Variants in NOVA1 observed in about 807,000 individuals in gnomAD.
NOVA1 encodes RNA-binding protein Nova-1.
In NOVA1, 7 loss-of-function variants were observed where a neutral mutation model predicts 38.0. That is an observed-to-expected ratio of 0.18 (90% CI 0.10 to 0.35). NOVA1 has a LOEUF of 0.35. Ranked by LOEUF, NOVA1 falls within the 10% of genes least tolerant of loss-of-function variation. The pLI is 1.00. For synonymous variants in NOVA1, 270 were observed against 232.5 expected (o/e 1.16, Z -1.47); for missense variants, 460 against 616.0 (o/e 0.75, Z 2.68).
chr14:26,499,480 T>G (rs1887088832), intron 2 of NOVA1, among the ~76,000 whole-genome samples: 1 of 152,146 alleles, frequency 6.6e-6, no homozygotes, highest in Admixed American at 6.5e-5. Context: ...AAAGAAACTT[T>G]TATGCTATAG....
At chr14:26,502,596 C>T (rs1887316881) in intron 2 of NOVA1, among the ~76,000 whole-genome samples, 1 of 140,544 alleles carries the variant, frequency 7.1e-6, no homozygotes, top group Non-Finnish European at 1.5e-5. Context: ...TTCAACATAA[C>T]ATGTTTCCAG....
intron 4 of NOVA1, among the ~76,000 whole-genome samples, chr14:26,467,045 C>T (rs191125084): frequency 1.3e-5 from 2 of 152,242 alleles, no homozygotes; most frequent in Admixed American, 6.5e-5. Flanking sequence ...ACAGTGGAGA[C>T]ACAAATTTCA....
chr14:26,556,100 A>G (rs1253085965), intron 2 of NOVA1, among the ~76,000 whole-genome samples: 1 of 152,130 alleles, frequency 6.6e-6, no homozygotes, highest in African/African-American at 2.4e-5. Flanking sequence ...TATAGATGCA[A>G]TGCAATACCC....
intron 4 of NOVA1, among the ~76,000 whole-genome samples, chr14:26,455,686 T>G (rs1883111794): frequency 6.6e-6 from 1 of 151,658 alleles, no homozygotes; most frequent in African/African-American, 2.4e-5. Flanking sequence ...GGATATAACT[T>G]AGGAATAAGA....
intron 2 of NOVA1, 125 bp downstream of exon 2, chr14:26,595,285 T>C: frequency 1.1e-6 from 1 of 907,008 alleles, no homozygotes; most frequent in Non-Finnish European, 1.7e-6. Flanking sequence ...TATATTCCTA[T>C]AAAGCAATAT....
At chr14:26,554,890 G>T (rs17111370) in intron 2 of NOVA1, among the ~76,000 whole-genome samples, 1 of 151,918 alleles carries the variant, frequency 6.6e-6, no homozygotes, top group Non-Finnish European at 1.5e-5. Flanking sequence ...TTTTCCTTGC[G>T]TATAAAAGCT....
Position 26,448,472 on chromosome 14 carries a change from A to G in NOVA1, c.1011T>C (p.Ser337=), listed in dbSNP as rs1439004532. The part of the protein sequence containing the change: ...YNLNTLGLGL[S]QAAATGALAA... ...CCAAAGCCCCTGTTGCTGCTGCTTG[A>G]CTGAGACCTAAACCTAAAGTGTTGA... Residue 337 remains serine, a synonymous_variant, in exon 5 of 5, where the codon AGT becomes AGC. Coordinates refer to ENST00000539517, the MANE Select transcript of NOVA1 (RefSeq NM_002515.3). This position sits in a 1 kb window ranked among gnomAD's most constrained non-coding sequence, Gnocchi z 5.3. 1.9e-6 allele frequency: 3 copies of G among 1,613,632 alleles called. No homozygotes were observed. The Admixed American group carries it at 5.0e-5, about 27-fold the overall frequency.
chr14:26,513,547 G>A (rs1383146729), intron 2 of NOVA1, among the ~76,000 whole-genome samples: 3 of 151,612 alleles, frequency 2.0e-5, no homozygotes, highest in Non-Finnish European at 3.0e-5. Context: ...AATAAATCCA[G>A]AAGAAAATGT....
At chr14:26,523,032 T>C (rs944866091) in intron 2 of NOVA1, among the ~76,000 whole-genome samples, 5 of 152,186 alleles carry the variant, frequency 3.3e-5, no homozygotes, top group African/African-American at 1.2e-4. Context: ...AGACTATTCA[T>C]AGAAGTTTTC....
At chr14:26,476,798 C>A (rs1047494301) in intron 3 of NOVA1, among the ~76,000 whole-genome samples, 2 of 150,658 alleles carry the variant, frequency 1.3e-5, no homozygotes, top group Non-Finnish European at 2.9e-5. Flanking sequence ...CTCACTGCAA[C>A]CTCCACAACC....
rs116942671 is a variant in NOVA1, at chr14:26,473,568, T to C, written c.448-1177A>G. ...TTACTTGAAGTCATATTTTTGCATT[T>C]GACATTTCAAAAGTTGTAATTTGCG... On this transcript the variant is annotated intron_variant, in intron 3 of 4. Transcript: ENST00000539517. Among the ~76,000 whole-genome samples the C allele has an allele frequency of 2.7e-3, 417 of 152,080 alleles. 1 individual carries two copies. Among genetic ancestry groups the C allele is most frequent in the Non-Finnish European group, 4.4e-3 (299 of 67,874 alleles).
rs569014867 is a variant in NOVA1, at chr14:26,540,714, T to G, written c.280+54696A>C. Among the ~76,000 whole-genome samples, 82 of 152,292 alleles carry G rather than the reference T, an allele frequency of 5.4e-4. 1 individual carries two copies. The highest frequency in any genetic ancestry group is 1.0e-4 in the Non-Finnish European group (7 of 68,022). The stretch of plus-strand genomic sequence containing the variant: ...CAAGTTGGAATAATGTGAGATTAAT[T>G]TTAAACTGTGGCACTGATCTGACTT... On this transcript the variant is annotated intron_variant, in intron 2 of 4. Transcript: ENST00000539517.
intron 2 of NOVA1, among the ~76,000 whole-genome samples, chr14:26,515,325 T>C (rs1888384753): frequency 6.6e-6 from 1 of 151,974 alleles, no homozygotes. Context: ...TACCTAAGTT[T>C]AAAATTTTCA....
intron 2 of NOVA1, among the ~76,000 whole-genome samples, chr14:26,567,130 C>T (rs1892181591): frequency 1.3e-5 from 2 of 152,028 alleles, no homozygotes; most frequent in Non-Finnish European, 1.5e-5. Flanking sequence ...AATCCAAAAA[C>T]CAATATATTA....
In NOVA1 at chr14:26,597,496, TTTTC is replaced by T. The variant is rs1894274541; in HGVS notation, c.-64_-61del. On this transcript the variant is annotated 5_prime_UTR_variant, in exon 1 of 5. Coordinates refer to ENST00000539517, the MANE Select transcript of NOVA1 (RefSeq NM_002515.3). ...TTCTCCCTTTTGTTTTGGCTTTTTC[TTTTC>T]TTTTTTCTTTTTTTTTTTTTTTTTT... The T allele has an allele frequency of 5.0e-6, 6 of 1,191,074 alleles. No individual in the cohort carries two copies. Among genetic ancestry groups the T allele is most frequent in the Non-Finnish European group, 5.2e-6 (5 of 962,566 alleles). The allele number at this position is 1,191,074 out of a possible 1,614,324, so 73.8% of individuals were successfully genotyped here.
chr14:26,564,818 T>C (rs1261475185), intron 2 of NOVA1, among the ~76,000 whole-genome samples: 1 of 152,184 alleles, frequency 6.6e-6, no homozygotes, highest in Non-Finnish European at 1.5e-5. Context: ...TATGTCCAAC[T>C]GGTAAGTCTC....
intron 2 of NOVA1, among the ~76,000 whole-genome samples, chr14:26,526,691 T>C (rs1889323379): frequency 6.6e-6 from 1 of 152,202 alleles, no homozygotes; most frequent in Admixed American, 6.5e-5. Flanking sequence ...GTAAATTGCA[T>C]GTTTCAGTTT....
At chr14:26,561,285 A>C (rs2138682845) in intron 2 of NOVA1, among the ~76,000 whole-genome samples, 1 of 152,312 alleles carries the variant, frequency 6.6e-6, no homozygotes, top group Admixed American at 6.5e-5. Flanking sequence ...AAGTTTGAGG[A>C]CTACTAACAT....
chr14:26,459,619 C>A (rs1883487197), intron 4 of NOVA1, among the ~76,000 whole-genome samples: 2 of 152,064 alleles, frequency 1.3e-5, no homozygotes, highest in South Asian at 4.2e-4. Context: ...AATTCAAAAT[C>A]ATAGTTTTAA....
Sources: gnomAD v4.1 joint callset for allele counts (sites outside exome capture counted in the v4.1 genomes callset) on GRCh38, gnomAD v4.1.1 for gene constraint, Gnocchi (gnomAD v3.1) non-coding constraint, MANE v1.5 for transcripts, NCBI Gene and HGNC (gene_info 2026-07-23, HGNC 2026-07-21) for gene names.